The following ENO4 variants were observed in gnomAD, a reference collection of about 807,000 sequenced individuals.
The protein encoded by ENO4 is enolase 4.
A neutral mutation model predicts 63.2 loss-of-function variants in ENO4; 53 were observed. The ratio of observed to expected loss-of-function variants is 0.84; its 90% CI spans 0.67 to 1.05. The LOEUF (loss-of-function observed/expected upper bound fraction) is 1.05, where lower values mean the gene tolerates loss of function less well. Ranked by LOEUF, ENO4 falls within the 50% of genes least tolerant of loss-of-function variation. ENO4 has a pLI of 0.00. For missense variants in ENO4, 719 were observed against 772.0 expected (o/e 0.93, Z 0.81); for synonymous variants, 266 against 283.8 (o/e 0.94, Z 0.63).
chr10:116,909,748 G>A (rs1848117552), intron 10 of ENO4, among the ~76,000 whole-genome samples: 1 of 152,120 alleles, frequency 6.6e-6, no homozygotes, highest in Non-Finnish European at 1.5e-5. Context: ...TTTTCTACCT[G>A]GGGGCTAACT....
At chr10:116,874,274 TTTTATAACTCACCTTTTATA>T in intron 10 of ENO4, 73 bp downstream of exon 10, 1 of 1,144,518 alleles carries the variant, frequency 8.7e-7, no homozygotes, top group Non-Finnish European at 1.2e-6. Flanking sequence ...ACCTTTTATA[TTTTATAACTCACCTTTTATA>T]TTTATAACAA....
chr10:116,869,745 C>T (rs1265503232), intron 8 of ENO4, among the ~76,000 whole-genome samples: 1 of 149,288 alleles, frequency 6.7e-6, no homozygotes, highest in African/African-American at 2.5e-5. Context: ...TCAGCCTTCC[C>T]TGTAATAAGC....
At chr10:116,851,563 T>C (rs1405489464) in intron 1 of ENO4, among the ~76,000 whole-genome samples, 1 of 152,188 alleles carries the variant, frequency 6.6e-6, no homozygotes, top group African/African-American at 2.4e-5. Flanking sequence ...TGGCCGTGCT[T>C]ACTCTCACCT....
chr10:116,908,044 T>A lies in ENO4; in HGVS notation c.1195-3455T>A, dbSNP rs867128425. The A allele has an allele frequency of 4.1e-5, 18 of 442,762 alleles. 1 individual carries two copies. In the Middle Eastern group the frequency reaches 6.1e-3, roughly 150 times the overall value. 27.4% of individuals were successfully genotyped at this position (442,762 alleles called of 1,614,324 possible). ...GCTTGTAAAATCAGATGGTTACAAATCTCATAATTAACCTCTATTAAGAGA... is the reference window on the plus strand; with the variant it reads ...GCTTGTAAAATCAGATGGTTACAAAACTCATAATTAACCTCTATTAAGAGA... On this transcript the variant is annotated intron_variant, in intron 10 of 10. Transcript: ENST00000369207.
intron 10 of ENO4, among the ~76,000 whole-genome samples, chr10:116,903,757 A>T (rs2133329446): frequency 6.6e-6 from 1 of 152,356 alleles, no homozygotes; most frequent in Admixed American, 6.5e-5. Context: ...TGTAAGAAAG[A>T]TCTGCTTCTG....
At chr10:116,899,534 TGTGTGTGTGTGTGAGA>T (rs756388373) in intron 10 of ENO4, among the ~76,000 whole-genome samples, 141 of 88,182 alleles carry the variant, frequency 1.6e-3, no homozygotes, top group Non-Finnish European at 3.2e-3. Flanking sequence ...TGTGTGTGTG[TGTGTGTGTGTGTGAGA>T]GAGTGCATGC....
At chr10:116,857,642 CT>C (rs67355556) in intron 3 of ENO4, among the ~76,000 whole-genome samples, 146 of 144,920 alleles carry the variant, frequency 1.0e-3, no homozygotes, top group Middle Eastern at 7.1e-3. Context: ...GTAACAGAAA[CT>C]TTTTTTTTTT....
chr10:116,856,749 C>A (rs1187801196), intron 3 of ENO4, 67 bp downstream of exon 3: 4 of 1,346,838 alleles, frequency 3.0e-6, no homozygotes, highest in Non-Finnish European at 3.9e-6. Context: ...CGCCTGTAAT[C>A]CCAGCACTTT....
At position 116,893,576 on chromosome 10, in the gene ENO4, G is replaced by GCGCACACACACACACACACACACA. The variant is rs1554905664; in HGVS notation, c.1194+13591_1194+13592insGCACACACACACACACACACACAC. Among the ~76,000 whole-genome samples, 294 of 123,592 alleles carry GCGCACACACACACACACACACACA rather than the reference G, an allele frequency of 2.4e-3. 7 individuals are homozygous for GCGCACACACACACACACACACACA. In the East Asian group the frequency reaches 0.036, roughly 15 times the overall value. The allele number at this position is 123,592 out of a possible 152,430, so 81.1% of individuals were successfully genotyped here. A position where few individuals can be genotyped will look rare whatever the true frequency, so the allele number is the denominator to read the frequency against. On this transcript the variant is annotated intron_variant, in intron 10 of 10. Coordinates refer to the ENO4 transcript ENST00000369207. ...CCCCCTCCCTGATAGGCACTCATGT[G>GCGCACACACACACACACACACACA]CACACACACACACACACACACGAGA...
At chr10:116,908,957 A>G (rs1848081978) in intron 10 of ENO4, among the ~76,000 whole-genome samples, 1 of 152,194 alleles carries the variant, frequency 6.6e-6, no homozygotes, top group Admixed American at 6.5e-5. Context: ...TTGTGGAGGA[A>G]AGAAAGGTTT....
intron 13 of ENO4, among the ~76,000 whole-genome samples, chr10:116,880,966 A>G (rs149551789): frequency 2.3e-3 from 352 of 152,292 alleles, no homozygotes; most frequent in African/African-American, 8.2e-3. Flanking sequence ...GTATTCCACA[A>G]TAGATTAACA....
At chr10:116,871,099 T>A (rs1467842037) in intron 8 of ENO4, 26 bp from the exon 9 acceptor site, 1 of 1,548,474 alleles carries the variant, frequency 6.5e-7, no homozygotes, top group East Asian at 2.4e-5. Context: ...TGTATTGACA[T>A]GGATCATTGT....
intron 9 of ENO4, among the ~76,000 whole-genome samples, chr10:116,873,144 C>T (rs1040846591): frequency 2.0e-5 from 3 of 152,120 alleles, no homozygotes; most frequent in Non-Finnish European, 2.9e-5. Flanking sequence ...TTAGCGTTTC[C>T]TCACTGACAA....
chr10:116,873,302 G>A (rs1266693844), intron 9 of ENO4, among the ~76,000 whole-genome samples: 1 of 152,120 alleles, frequency 6.6e-6, no homozygotes, highest in African/African-American at 2.4e-5. Context: ...CAGCAGGAAG[G>A]CATTAGCAAA....
At chr10:116,857,497 T>C (rs1158707382) in intron 3 of ENO4, among the ~76,000 whole-genome samples, 1 of 152,216 alleles carries the variant, frequency 6.6e-6, no homozygotes, top group African/African-American at 2.4e-5. Flanking sequence ...TAGAATCATT[T>C]TCCTGTTTGT....
At chr10:116,895,956 A>C (rs1357212609) in intron 10 of ENO4, among the ~76,000 whole-genome samples, 19 of 152,200 alleles carry the variant, frequency 1.2e-4, no homozygotes, top group Admixed American at 1.2e-3. Flanking sequence ...ACAACACAGA[A>C]GCAAATTCCA....
intron 10 of ENO4, chr10:116,900,319 G>T (rs1484565321): frequency 1.8e-6 from 1 of 569,274 alleles, no homozygotes; most frequent in Non-Finnish European, 3.1e-6. Context: ...GAACAAGCAA[G>T]ATGAGAAATA....
chr10:116,857,597 AT>A (rs1174016413), intron 3 of ENO4, among the ~76,000 whole-genome samples: 1 of 151,410 alleles, frequency 6.6e-6, no homozygotes, highest in African/African-American at 2.4e-5. Flanking sequence ...TGTATATAAC[AT>A]TTTAGTTTGC....
rs144946739 is a variant in ENO4 at position 116,873,857 on chromosome 10, C to T, written c.1216-219C>T. The T allele has an allele frequency of 4.1e-4, 401 of 984,764 alleles. 2 individuals carry two copies. The East Asian group carries it at 0.019, about 46-fold the overall frequency. The allele number at this position is 984,764 out of a possible 1,614,324, so 61.0% of individuals were successfully genotyped here. A position where few individuals can be genotyped will look rare whatever the true frequency, so the allele number is the denominator to read the frequency against. On this transcript the variant is annotated intron_variant, in intron 9 of 13. Coordinates refer to ENST00000341276, the MANE Select transcript of ENO4 (RefSeq NM_001242699.2). ...CTGCATCTGAAGTCTGTGGGAAGAA[C>T]CCTAGAGGGCATCAAAAGGAATGGT... is the stretch of plus-strand genomic sequence containing the variant.
Sources: allele counts gnomAD v4.1 joint callset (sites outside exome capture counted in the v4.1 genomes callset), GRCh38; gene constraint gnomAD v4.1.1; transcripts MANE v1.5; gene names NCBI Gene and HGNC (gene_info 2026-07-23, HGNC 2026-07-21).